GPC3: variants seen among roughly 807,000 people sequenced by gnomAD.
GPC3 encodes glypican-3.
Under a neutral mutation model 34.4 loss-of-function variants are expected in GPC3, and 3 were observed. The ratio of observed to expected loss-of-function variants is 0.09; its 90% confidence interval spans 0.04 to 0.23. The LOEUF (loss-of-function observed/expected upper bound fraction) is 0.23. Ranked by LOEUF, GPC3 falls within the 10% of genes least tolerant of loss-of-function variation. The pLI is 1.00. For synonymous variants in GPC3, 177 were observed against 174.0 expected (o/e 1.02, Z -0.13); for missense variants, 351 against 445.6 (o/e 0.79, Z 1.91).
At chrX:133,800,503 A>G (rs12845265) in intron 2 of GPC3, among the ~76,000 whole-genome samples, 2 of 112,140 alleles carry the variant, frequency 1.8e-5, no homozygotes, top group African/African-American at 3.2e-5. Context: ...AAATATGGTT[A>G]TTATGGTGTC....
intron 2 of GPC3, among the ~76,000 whole-genome samples, chrX:133,854,441 T>A (rs2075890495): frequency 8.9e-6 from 1 of 111,749 alleles, no homozygotes; most frequent in African/African-American, 3.3e-5. Context: ...CTGGGGGTTA[T>A]GGGGGATGCA....
intron 2 of GPC3, among the ~76,000 whole-genome samples, chrX:133,850,650 T>C (rs1356590133): frequency 4.5e-5 from 5 of 111,271 alleles, no homozygotes; most frequent in Admixed American, 9.5e-5. Flanking sequence ...ACAAGGCATA[T>C]CTATTTGGTG....
intron 3 of GPC3, among the ~76,000 whole-genome samples, chrX:133,716,027 C>A (rs1001358355): frequency 8.9e-6 from 1 of 111,953 alleles, no homozygotes; most frequent in Non-Finnish European, 1.9e-5. Context: ...AAGGAAAACA[C>A]TGTTCAATCA....
chrX:133,671,207 A>AT (rs1488497516), intron 5 of GPC3: 1 of 1,171,480 alleles, frequency 8.5e-7, no homozygotes, highest in East Asian at 3.0e-5. Context: ...CTTTGGCATG[A>AT]TTTATGATTC....
At chrX:133,818,935 A>G (rs2075705419) in intron 2 of GPC3, among the ~76,000 whole-genome samples, 1 of 110,484 alleles carries the variant, frequency 9.1e-6, no homozygotes, top group Admixed American at 9.6e-5. Context: ...AAATCAGTTC[A>G]GGAGAATCCT....
At chrX:133,852,830 C>T (rs932944979) in intron 2 of GPC3, among the ~76,000 whole-genome samples, 1 of 110,390 alleles carries the variant, frequency 9.1e-6, no homozygotes, top group African/African-American at 3.3e-5. Context: ...CCACCTATAA[C>T]TTCTACTTGA....
chrX:133,667,986 C>T (rs2070785272), intron 5 of GPC3, among the ~76,000 whole-genome samples: 1 of 109,026 alleles, frequency 9.2e-6, no homozygotes, highest in Non-Finnish European at 1.9e-5. Flanking sequence ...ACTGCAACCT[C>T]CGCCTCCTGG....
intron 6 of GPC3, among the ~76,000 whole-genome samples, chrX:133,616,817 C>A (rs1423444743): frequency 9.3e-6 from 1 of 107,971 alleles, no homozygotes; most frequent in African/African-American, 3.4e-5. Flanking sequence ...CCTGCCTCAG[C>A]CTCCCGAGTA....
chrX:133,584,639 C>T (rs958292304), intron 7 of GPC3, among the ~76,000 whole-genome samples: 1 of 111,180 alleles, frequency 9.0e-6, no homozygotes. Context: ...CCACCATGCC[C>T]GTATAATTTT....
chrX:133,830,678 CAAAAAAAA>C (rs1174232524), intron 2 of GPC3, among the ~76,000 whole-genome samples: 3 of 13,439 alleles, frequency 2.2e-4, no homozygotes, highest in African/African-American at 4.0e-4. Flanking sequence ...GACTCCATCT[CAAAAAAAA>C]AAAAAAAAAA....
At chrX:133,687,620 G>C (rs766336705) in intron 5 of GPC3, among the ~76,000 whole-genome samples, 20 of 109,141 alleles carry the variant, frequency 1.8e-4, no homozygotes, top group Non-Finnish European at 3.6e-4. Flanking sequence ...TAGAGATGGG[G>C]TTTCACTATA....
chrX:133,982,393 C>T (rs1311745790), intron 1 of GPC3, among the ~76,000 whole-genome samples: 1 of 111,610 alleles, frequency 9.0e-6, no homozygotes, highest in Non-Finnish European at 1.9e-5. Flanking sequence ...ATGAAGAGAT[C>T]TATGGATTTT....
chrX:133,837,053 T>A lies in GPC3; in HGVS notation c.338-82877A>T, dbSNP rs1029493107. Among the ~76,000 whole-genome samples the A allele has an allele frequency of 3.6e-5, 4 of 111,888 alleles. No individual in the cohort carries two copies. In the Admixed American group the frequency reaches 3.8e-4, roughly 11 times the overall value. ...AGATACAGATAACTACATTGCAGTA[T>A]AATAAATATAATGTCACTCTCTGGA... is the stretch of plus-strand genomic sequence containing the variant. On this transcript the variant is annotated intron_variant, in intron 2 of 7. Coordinates refer to ENST00000370818, the MANE Select transcript of GPC3 (RefSeq NM_004484.4).
At chrX:133,711,334 A>T (rs1289733096) in intron 3 of GPC3, among the ~76,000 whole-genome samples, 2 of 112,207 alleles carry the variant, frequency 1.8e-5, no homozygotes, top group Non-Finnish European at 3.8e-5. Context: ...TGAGATGATT[A>T]GCAAGGCCCT....
intron 2 of GPC3, among the ~76,000 whole-genome samples, chrX:133,881,440 T>C (rs1319846392): frequency 2.7e-5 from 3 of 112,570 alleles, no homozygotes; most frequent in African/African-American, 9.7e-5. Flanking sequence ...ATGTGGCGTT[T>C]TATGTTCAAA....
chrX:133,685,001 C>T (rs1476595235), intron 5 of GPC3, among the ~76,000 whole-genome samples: 1 of 109,713 alleles, frequency 9.1e-6, no homozygotes, highest in Non-Finnish European at 1.9e-5. Context: ...GTACAACATA[C>T]ACTACTTGGG....
intron 2 of GPC3, among the ~76,000 whole-genome samples, chrX:133,907,882 A>C (rs1276633445): frequency 9.0e-6 from 1 of 111,222 alleles, no homozygotes; most frequent in African/African-American, 3.3e-5. Flanking sequence ...GTTGTACCAG[A>C]AATGTACAAA....
chrX:133,828,847 G>GA (rs897528696), intron 2 of GPC3, among the ~76,000 whole-genome samples: 27 of 104,689 alleles, frequency 2.6e-4, no homozygotes, highest in Non-Finnish European at 3.4e-4. Flanking sequence ...GTTCTTACCA[G>GA]AAAAAAAAAA....
intron 2 of GPC3, among the ~76,000 whole-genome samples, chrX:133,867,070 C>T (rs753598293): frequency 3.1e-4 from 34 of 110,298 alleles, no homozygotes; most frequent in African/African-American, 7.9e-4. Context: ...TGGTGGTGCA[C>T]GCCTGTAATC....
Sources: gnomAD v4.1 joint callset for allele counts (sites outside exome capture counted in the v4.1 genomes callset) on GRCh38, gnomAD v4.1.1 for gene constraint, MANE v1.5 for transcripts, NCBI Gene and HGNC (gene_info 2026-07-23, HGNC 2026-07-21) for gene names.